Variants in SYMPK observed in about 807,000 individuals in gnomAD.
SYMPK encodes the protein symplekin scaffold protein.
SYMPK carries 49 observed loss-of-function variants against 136.4 expected under a neutral mutation model. The ratio of observed to expected loss-of-function variants is 0.36; its 90% CI spans 0.29 to 0.46. SYMPK has a LOEUF of 0.46. SYMPK is among the 20% of genes least tolerant of loss of function. The pLI is 1.00. For synonymous variants in SYMPK, 766 were observed against 713.0 expected, an observed-to-expected ratio of 1.07 and a Z score of -1.19; for missense variants, 1,365 against 1,690.0, an observed-to-expected ratio of 0.81 and a Z score of 3.37.
chr19:45,816,841 C>G lies in SYMPK; in HGVS notation c.3215G>C (p.Arg1072Pro). 6.5e-7 allele frequency: 1 copy of G among 1,546,788 alleles called. No individual in the cohort carries two copies. ...GAVFDKCPEL[R>P]EPLLAHVRSF... ...GCGGACATGGGCCAGCAGGGGCTCC[C>G]GGAGCTCTGGGCACTTGTCAAAGAC... Residue 1072 changes from arginine (R) to proline (P), a missense_variant, in exon 24 of 27, where the codon CGG becomes CCG. Around this residue, in one of 11 missense-constraint regions of SYMPK, gnomAD observed 341 missense variants for 270.5 expected, o/e 1.26. Coordinates refer to ENST00000245934, the MANE Select transcript of SYMPK (RefSeq NM_004819.3).
In SYMPK at chr19:45,815,996, C is replaced by T. The variant is rs1304853535; in HGVS notation, c.3542G>A (p.Gly1181Asp). Reference protein sequence around the residue: ...SPSPSPSARPGPPPSEEAMDF... With the variant: ...SPSPSPSARPDPPPSEEAMDF... ...CATGGCTTCCTCAGACGGGGGCGGG[C>T]CTGGCCGGGCCGACGGAGAGGGAGA... The change falls in exon 26 of 27, where the codon GGC (glycine) becomes GAC (aspartate). Residue 1181 changes from glycine to aspartate, a missense_variant. Physicochemically the swap from Gly to Asp is moderately conservative, Grantham distance 94. Transcript: ENST00000245934. 4.4e-6 allele frequency: 7 copies of T among 1,604,180 alleles called. No individual in the cohort carries two copies. Among genetic ancestry groups the T allele is most frequent in the East Asian group, 2.2e-5 (1 of 44,612 alleles).
At chr19:45,854,623 C>G in intron 1 of SYMPK, 116 bp from the exon 2 acceptor site, 2 of 791,238 alleles carry the variant, frequency 2.5e-6, no homozygotes, top group Non-Finnish European at 4.1e-6. Context: ...GGCTGTTCCT[C>G]CCCAGTCAGG....
In SYMPK at chr19:45,815,606, G is replaced by T. The variant is rs145662570; in HGVS notation, c.3779C>A (p.Pro1260Gln). The T allele has an allele frequency of 7.7e-5, 114 of 1,488,186 alleles. No individual in the cohort carries two copies. The African/African-American group carries it at 1.5e-3, about 20-fold the overall frequency. 92.2% of individuals were successfully genotyped at this position (1,488,186 alleles called of 1,614,324 possible). Residue 1260 changes from proline (P) to glutamine (Q), a missense_variant, in exon 27 of 27, where the codon CCG (proline) becomes CAG (glutamine). By Grantham distance (76) the Pro-to-Gln change is moderately conservative (BLOSUM62 -1). Around this residue, in one of 11 missense-constraint regions of SYMPK, gnomAD observed 341 missense variants for 270.5 expected, o/e 1.26. Coordinates refer to ENST00000245934, the MANE Select transcript of SYMPK (RefSeq NM_004819.3). ...GGGTTCCCTGGCGTCCTCGGCAGCCGGGCTGGGAGTCTTCATAGCATCTTC... is the reference window on the plus strand; with the variant it reads ...GGGTTCCCTGGCGTCCTCGGCAGCCTGGCTGGGAGTCTTCATAGCATCTTC... ...VGEDAMKTPS[P>Q]AAEDAREPEA...
At chr19:45,844,866 G>A (rs935916534) in intron 7 of SYMPK, among the ~76,000 whole-genome samples, 14 of 152,018 alleles carry the variant, frequency 9.2e-5, no homozygotes, top group Admixed American at 3.3e-4. Flanking sequence ...GAAACATAAC[G>A]AATGCCATAT....
rs1376988512 is a variant in SYMPK, at chr19:45,852,309, T to A, written c.299+3A>T. 6.2e-7 allele frequency: 1 copy of A among 1,614,238 alleles called. No homozygotes were observed. The highest frequency in any genetic ancestry group is 1.3e-5 in the African/African-American group (1 of 75,068). Reference sequence around the variant, plus strand: ...TCCCGGGGCTCCGTGCCTCGCCCCATACCATGCCTCCTCGATGAAGCCGAT... The same window carrying A: ...TCCCGGGGCTCCGTGCCTCGCCCCAAACCATGCCTCCTCGATGAAGCCGAT... On this transcript the variant is annotated splice_donor_region_variant and intron_variant, in intron 5 of 26. Coordinates refer to ENST00000245934, the MANE Select transcript of SYMPK (RefSeq NM_004819.3).
At position 45,821,127 on chromosome 19, in the gene SYMPK, C is replaced by T. The variant is rs1359799336; in HGVS notation, c.2893+257G>A. ...AGGCCCACTCTGTGCCAGGGCACAGCAGGTACATCAGAGGCAGAAAAAGGT... is the reference window on the plus strand; with the variant it reads ...AGGCCCACTCTGTGCCAGGGCACAGTAGGTACATCAGAGGCAGAAAAAGGT... On this transcript the variant is annotated intron_variant, in intron 22 of 26. Coordinates refer to ENST00000245934, the MANE Select transcript of SYMPK (RefSeq NM_004819.3). This position sits in a 1 kb window ranked among gnomAD's most constrained non-coding sequence, Gnocchi z 4.4. 6 of 665,302 alleles carry T rather than the reference C, an allele frequency of 9.0e-6. No homozygotes were observed. The African/African-American group carries it at 1.1e-4, about 12-fold the overall frequency. The allele number at this position is 665,302 out of a possible 1,614,324, so 41.2% of individuals were successfully genotyped here. A position where few individuals can be genotyped will look rare whatever the true frequency, so the allele number is the denominator to read the frequency against.
At chr19:45,855,522 G>A (rs1971802721) in intron 1 of SYMPK, 1 of 152,064 alleles carries the variant, frequency 6.6e-6, no homozygotes, top group South Asian at 2.1e-4. Flanking sequence ...ACCTGTGAAA[G>A]TAAGTGAAAA....
At chr19:45,857,794 A>AATACTTTTTTTT (rs1971868360) in intron 1 of SYMPK, among the ~76,000 whole-genome samples, 1 of 145,680 alleles carries the variant, frequency 6.9e-6, no homozygotes, top group Non-Finnish European at 1.5e-5. Flanking sequence ...ACCAGCCGAA[A>AATACTTTTTTTT]ATACTTTTTT....
At chr19:45,841,294 C>A (rs552582622) in intron 9 of SYMPK, among the ~76,000 whole-genome samples, 50 of 145,980 alleles carry the variant, frequency 3.4e-4, no homozygotes, top group African/African-American at 2.8e-4. Flanking sequence ...ATTCCCCCCC[C>A]ACCTTTTTTT....
chr19:45,831,207 AGGC>A lies in SYMPK; in HGVS notation c.1598+174_1598+176del, dbSNP rs1406121279. On this transcript the variant is annotated intron_variant, in intron 12 of 26. Transcript: ENST00000245934. ...TTTTTTACAGGAAAGAGAACAGCAA[AGGC>A]TTAGTGGTTATGGCACTGACTCGGG... 5 of 404,566 alleles carry A rather than the reference AGGC, an allele frequency of 1.2e-5. No individual in the cohort carries two copies. The Admixed American group carries it at 1.8e-4, about 14-fold the overall frequency. 25.1% of individuals were successfully genotyped at this position (404,566 alleles called of 1,614,324 possible).
At position 45,816,728 on chromosome 19, in the gene SYMPK, G is replaced by T. The variant is rs78105437; in HGVS notation, c.3258+70C>A. 1.5e-3 allele frequency: 2,206 copies of T among 1,477,182 alleles called. 66 individuals carry two copies. The East Asian group carries it at 0.041, about 28-fold the overall frequency. The allele number at this position is 1,477,182 out of a possible 1,614,324, so 91.5% of individuals were successfully genotyped here. A position where few individuals can be genotyped will look rare whatever the true frequency, so the allele number is the denominator to read the frequency against. ...CTCCATCCAGTCCCCACCAACCAGA[G>T]GGACCCAGGGGGCCGCCCACCGCAC... On this transcript the variant is annotated intron_variant, in intron 24 of 26. Coordinates refer to ENST00000245934, the MANE Select transcript of SYMPK (RefSeq NM_004819.3).
chr19:45,817,684 A>G (rs1970785669), intron 23 of SYMPK, among the ~76,000 whole-genome samples: 1 of 152,134 alleles, frequency 6.6e-6, no homozygotes. Flanking sequence ...CTGGCCGGGC[A>G]CACAGCGGTG....
At chr19:45,831,247 A>G (rs932329744) in intron 12 of SYMPK, 137 bp downstream of exon 12, 6 of 562,292 alleles carry the variant, frequency 1.1e-5, no homozygotes, top group Non-Finnish European at 1.4e-5. Flanking sequence ...GTCAGAGAGA[A>G]CCTATTCCAG....
chr19:45,862,195 T>G (rs976912056), intron 1 of SYMPK, among the ~76,000 whole-genome samples: 1 of 152,220 alleles, frequency 6.6e-6, no homozygotes, highest in Non-Finnish European at 1.5e-5. Flanking sequence ...GTATTTTTTA[T>G]GTGGATGTAT....
chr19:45,851,643 G>A (rs1971698713), intron 5 of SYMPK, among the ~76,000 whole-genome samples: 1 of 151,854 alleles, frequency 6.6e-6, no homozygotes, highest in Admixed American at 6.6e-5. Context: ...GGAGGCCAAG[G>A]CGGGCAGATC....
chr19:45,815,605 C>A lies in SYMPK; in HGVS notation c.3780G>T (p.Pro1260=), dbSNP rs1568603904. 1 of 1,605,684 alleles carries A rather than the reference C, an allele frequency of 6.2e-7. No individual in the cohort carries two copies. The highest frequency in any genetic ancestry group is 8.5e-7 in the Non-Finnish European group (1 of 1,177,106). Reference sequence around the variant, plus strand: ...CGGGTTCCCTGGCGTCCTCGGCAGCCGGGCTGGGAGTCTTCATAGCATCTT... The same window carrying A: ...CGGGTTCCCTGGCGTCCTCGGCAGCAGGGCTGGGAGTCTTCATAGCATCTT... ...VGEDAMKTPS[P]AAEDAREPEA... Residue 1260 remains proline, a synonymous_variant, in exon 27 of 27, where the codon CCG becomes CCT. Coordinates refer to ENST00000245934, the MANE Select transcript of SYMPK (RefSeq NM_004819.3).
chr19:45,838,646 C>T (rs2146325006), intron 9 of SYMPK, 31 bp from the exon 10 acceptor site: 3 of 1,597,008 alleles, frequency 1.9e-6, no homozygotes, highest in East Asian at 4.5e-5. Flanking sequence ...AAGATGCTGG[C>T]TATAGAGAGA....
At chr19:45,833,186 A>G (rs2146318178) in intron 11 of SYMPK, among the ~76,000 whole-genome samples, 1 of 148,444 alleles carries the variant, frequency 6.7e-6, no homozygotes, top group East Asian at 2.1e-4. Flanking sequence ...CTGGGCCACA[A>G]GAGCAAAACT....
rs542348607 is a variant in SYMPK at position 45,838,724 on chromosome 19, G to A, written c.1088-109C>T. The A allele has an allele frequency of 6.0e-5, 74 of 1,240,994 alleles. 1 individual carries two copies. In the South Asian group the frequency reaches 1.0e-3, roughly 17 times the overall value. 76.9% of individuals were successfully genotyped at this position (1,240,994 alleles called of 1,614,324 possible). A position where few individuals can be genotyped will look rare whatever the true frequency, so the allele number is the denominator to read the frequency against. The stretch of plus-strand genomic sequence containing the variant: ...GCCTCTAGTCAGCCTCAGCAAACAG[G>A]AGCAAACAGCGGATGAAGATCCAGG... On this transcript the variant is annotated intron_variant, in intron 9 of 26. Coordinates refer to ENST00000245934, the MANE Select transcript of SYMPK (RefSeq NM_004819.3).
Sources: gnomAD v4.1 joint callset for allele counts (sites outside exome capture counted in the v4.1 genomes callset) on GRCh38, gnomAD v4.1.1 for gene constraint, gnomAD v4.1.1 regional missense constraint, Gnocchi (gnomAD v3.1) non-coding constraint, MANE v1.5 for transcripts, NCBI Gene and HGNC (gene_info 2026-07-23, HGNC 2026-07-21) for gene names.